GYS2: variants seen among roughly 807,000 people sequenced by gnomAD.
GYS2 encodes glycogen [starch] synthase, liver.
GYS2 carries 80 observed loss-of-function variants against 85.6 expected under a neutral mutation model. The ratio of observed to expected loss-of-function variants is 0.93; its 90% CI spans 0.78 to 1.13. The LOEUF is 1.13. Ranked by LOEUF, GYS2 falls within the 50% of genes most tolerant of loss-of-function variation. GYS2 has a pLI of 0.00. For missense variants in GYS2, 881 were observed against 854.9 expected (o/e 1.03, Z -0.38); for synonymous variants, 328 against 300.7 (o/e 1.09, Z -0.94).
chr12:21,536,816 T>G lies in GYS2; in HGVS notation c.*138A>C, dbSNP rs1327463026. 2 of 672,352 alleles carry G rather than the reference T, an allele frequency of 3.0e-6. No individual in the cohort carries two copies. Among genetic ancestry groups the G allele is most frequent in the Non-Finnish European group, 5.2e-6 (2 of 382,260 alleles). 41.6% of individuals were successfully genotyped at this position (672,352 alleles called of 1,614,324 possible). ...ATTACAAAATTGTCATTCACTCAATTTCTTCCACTTTTTAGGCAGAGAATA... is the reference window on the plus strand; with the variant it reads ...ATTACAAAATTGTCATTCACTCAATGTCTTCCACTTTTTAGGCAGAGAATA... On this transcript the variant is annotated 3_prime_UTR_variant, in exon 16 of 16. Coordinates refer to ENST00000261195, the MANE Select transcript of GYS2 (RefSeq NM_021957.4).
At chr12:21,582,600 T>TATAGATATAGAGATAGATATAGAG (rs1944524242) in intron 1 of GYS2, among the ~76,000 whole-genome samples, 9 of 6,714 alleles carry the variant, frequency 1.3e-3, no homozygotes, top group Non-Finnish European at 5.2e-3. Flanking sequence ...TAGAGATAGA[T>TATAGATATAGAGATAGATATAGAG]ATAGATATAG....
Position 21,536,541 on chromosome 12 carries a change from A to G in GYS2, c.*413T>C, listed in dbSNP as rs1051722209. 1.3e-5 allele frequency: 3 copies of G among 227,938 alleles called. No individual in the cohort carries two copies. Among genetic ancestry groups the G allele is most frequent in the Non-Finnish European group, 2.6e-5 (3 of 115,710 alleles). 14.1% of individuals were successfully genotyped at this position (227,938 alleles called of 1,614,324 possible). A position where few individuals can be genotyped will look rare whatever the true frequency, so the allele number is the denominator to read the frequency against. ...TAAAAAATGTAGGTAGTGCACATTC[A>G]TGGGTAAGATCAAGGTTTTCGGGGG... On this transcript the variant is annotated 3_prime_UTR_variant, in exon 16 of 16. Coordinates refer to ENST00000261195, the MANE Select transcript of GYS2 (RefSeq NM_021957.4).
intron 11 of GYS2, among the ~76,000 whole-genome samples, chr12:21,557,622 G>A (rs1458165726): frequency 2.0e-5 from 3 of 152,094 alleles, no homozygotes; most frequent in African/African-American, 4.8e-5. Context: ...ATTTCTGGCC[G>A]GGCGCGGTGG....
intron 11 of GYS2, among the ~76,000 whole-genome samples, chr12:21,554,320 T>A (rs1944151196): frequency 6.6e-6 from 1 of 152,108 alleles, no homozygotes; most frequent in African/African-American, 2.4e-5. Flanking sequence ...CTGTGGTTCT[T>A]CCTACATCAT....
At position 21,604,750 on chromosome 12, in the gene GYS2, C is replaced by T. The variant is rs1027203948; in HGVS notation, c.-158G>A. ...AACTAGTAGCATGAAATCTTATGTG[C>T]TTCCCACAGAATTCCTGGTGGAAGG... is the stretch of plus-strand genomic sequence containing the variant. On this transcript the variant is annotated 5_prime_UTR_variant, in exon 1 of 16. Coordinates refer to ENST00000261195, the MANE Select transcript of GYS2 (RefSeq NM_021957.4). The T allele has an allele frequency of 4.8e-6, 7 of 1,447,226 alleles. No individual in the cohort carries two copies. Among genetic ancestry groups the T allele is most frequent in the Non-Finnish European group, 6.4e-6 (7 of 1,095,660 alleles). 89.6% of individuals were successfully genotyped at this position (1,447,226 alleles called of 1,614,324 possible). A position where few individuals can be genotyped will look rare whatever the true frequency, so the allele number is the denominator to read the frequency against.
chr12:21,560,418 G>T lies in GYS2; in HGVS notation c.1137C>A (p.Thr379=). Residue 379 remains threonine, a synonymous_variant, in exon 8 of 16, where the codon ACC becomes ACA. Transcript: ENST00000261195. ...GTTTTCGCACTGCTTGTCCTTTCAG[G>T]GTTTCCACGTTGAAATTATTTGTCT... ...PAKTNNFNVE[T]LKGQAVRKQL... 1 of 1,607,990 alleles carries T rather than the reference G, an allele frequency of 6.2e-7. No homozygotes were observed. Among genetic ancestry groups the T allele is most frequent in the Non-Finnish European group, 8.5e-7 (1 of 1,174,536 alleles).
At chr12:21,588,491 C>G (rs1944598545) in intron 1 of GYS2, among the ~76,000 whole-genome samples, 1 of 152,186 alleles carries the variant, frequency 6.6e-6, no homozygotes, top group Admixed American at 6.5e-5. Context: ...AGGAGAAGAG[C>G]TAATGTAACT....
intron 1 of GYS2, among the ~76,000 whole-genome samples, chr12:21,600,490 C>T (rs951761862): frequency 5.3e-5 from 8 of 151,930 alleles, no homozygotes; most frequent in African/African-American, 1.2e-4. Context: ...AACAGTATCA[C>T]GAAAGATAAA....
intron 4 of GYS2, 25 bp from the exon 5 acceptor site, chr12:21,569,034 A>C: frequency 6.2e-7 from 1 of 1,612,700 alleles, no homozygotes; most frequent in Non-Finnish European, 8.5e-7. Flanking sequence ...AATAAAACAC[A>C]CATTTGCTAA....
chr12:21,540,319 A>G, intron 14 of GYS2, 91 bp downstream of exon 14: 2 of 1,093,892 alleles, frequency 1.8e-6, no homozygotes, highest in Non-Finnish European at 2.8e-6. Context: ...ATAATATTGG[A>G]TTAACTTTAG....
Position 21,542,563 on chromosome 12 carries a change from A to T in GYS2, c.1578T>A (p.Ser526Arg). The T allele has an allele frequency of 6.2e-7, 1 of 1,613,462 alleles. No individual in the cohort carries two copies. The highest frequency in any genetic ancestry group is 8.5e-7 in the Non-Finnish European group (1 of 1,179,498). The stretch of plus-strand genomic sequence containing the variant: ...CAAACCCGGAGAGATTCGTGGTCAC[A>T]CTGGGGATACCCATCACAGTGCATT... Reference protein sequence around the residue: ...PAECTVMGIPSVTTNLSGFGC... With the variant: ...PAECTVMGIPRVTTNLSGFGC... Residue 526 changes from serine (S) to arginine (R), a missense_variant, in exon 13 of 16, where the codon AGT (serine) becomes AGA (arginine). Physicochemically the swap from Ser to Arg is moderately radical, Grantham distance 110 (BLOSUM62 -1). Transcript: ENST00000261195.
intron 1 of GYS2, among the ~76,000 whole-genome samples, chr12:21,584,047 G>A (rs904024808): frequency 2.6e-5 from 4 of 152,156 alleles, no homozygotes; most frequent in African/African-American, 4.8e-5. Context: ...AGTTCTGCAC[G>A]ATATGCAGGC....
chr12:21,544,743 G>A (rs751177940), intron 12 of GYS2, among the ~76,000 whole-genome samples: 15 of 152,210 alleles, frequency 9.9e-5, no homozygotes, highest in Admixed American at 2.6e-4. Context: ...ATACCCGGAA[G>A]AGTTAGATAC....
chr12:21,542,407 G>C (rs1410432706), intron 13 of GYS2, 89 bp downstream of exon 13: 1 of 830,014 alleles, frequency 1.2e-6, no homozygotes, highest in African/African-American at 1.7e-5. Context: ...TATCAGGATA[G>C]CTTTAGAGTT....
At chr12:21,559,239 GATTATAT>G in intron 9 of GYS2, 70 bp from the exon 10 acceptor site, 1 of 752,054 alleles carries the variant, frequency 1.3e-6, no homozygotes, top group South Asian at 1.6e-5. Flanking sequence ...CTAAGCATCA[GATTATAT>G]ATTATATATT....
chr12:21,542,692 T>A, intron 12 of GYS2, 101 bp from the exon 13 acceptor site: 2 of 743,682 alleles, frequency 2.7e-6, no homozygotes, highest in Non-Finnish European at 4.9e-6. Flanking sequence ...AGAATAGCAA[T>A]GTTCACTATG....
intron 11 of GYS2, among the ~76,000 whole-genome samples, chr12:21,556,001 A>T (rs1332955668): frequency 6.6e-6 from 1 of 152,208 alleles, no homozygotes; most frequent in Non-Finnish European, 1.5e-5. Flanking sequence ...TTAATGCTGT[A>T]TCATGAGGTC....
intron 1 of GYS2, among the ~76,000 whole-genome samples, chr12:21,592,360 T>A (rs551089521): frequency 6.6e-6 from 1 of 152,134 alleles, no homozygotes; most frequent in East Asian, 1.9e-4. Context: ...TAAATAGATT[T>A]AAAACAAAAA....
At chr12:21,558,363 G>A (rs1264872184) in intron 10 of GYS2, 50 bp from the exon 11 acceptor site, 3 of 1,167,572 alleles carry the variant, frequency 2.6e-6, no homozygotes, top group Non-Finnish European at 3.9e-6. Context: ...AATTAATAAG[G>A]GTGACTAATT....
Sources: gnomAD v4.1 joint callset for allele counts (sites outside exome capture counted in the v4.1 genomes callset) on GRCh38, gnomAD v4.1.1 for gene constraint, MANE v1.5 for transcripts, NCBI Gene and HGNC (gene_info 2026-07-23, HGNC 2026-07-21) for gene names.